The following GRM4 variants were observed in gnomAD, a reference collection of about 807,000 sequenced individuals.
GRM4 encodes glutamate metabotropic receptor 4, also known as metabotropic glutamate receptor 4.
Under a neutral mutation model 81.7 loss-of-function variants are expected in GRM4, and 28 were observed. The observed-to-expected ratio is 0.34, with a 90% CI of 0.25 to 0.47. The LOEUF (loss-of-function observed/expected upper bound fraction) is 0.47, where lower values mean the gene tolerates loss of function less well. Ranked by LOEUF, GRM4 falls within the 20% of genes least tolerant of loss-of-function variation. GRM4 has a pLI of 1.00. For synonymous variants in GRM4, 488 were observed against 528.8 expected, an observed-to-expected ratio of 0.92 and a Z score of 1.06; for missense variants, 948 against 1,290.0, an observed-to-expected ratio of 0.73 and a Z score of 4.06.
rs1581627657 is a variant in GRM4 at position 34,056,435 on chromosome 6, CG to C, written c.1168+108del. Reference sequence around the variant, plus strand: ...GCAGGCCCAACTGCACGTCCTGCCACGGCCGGCCGACGACAGACAAAGGGAG... The same window carrying C: ...GCAGGCCCAACTGCACGTCCTGCCACGCCGGCCGACGACAGACAAAGGGAG... On this transcript the variant is annotated intron_variant, in intron 6 of 10. Transcript: ENST00000538487. The C allele has an allele frequency of 9.7e-6, 10 of 1,033,182 alleles. No individual in the cohort carries two copies. The East Asian group carries it at 2.4e-4, about 25-fold the overall frequency. The allele number at this position is 1,033,182 out of a possible 1,614,324, so 64.0% of individuals were successfully genotyped here. A position where few individuals can be genotyped will look rare whatever the true frequency, so the allele number is the denominator to read the frequency against.
intron 10 of GRM4, chr6:34,024,586 G>A: frequency 2.2e-6 from 1 of 445,952 alleles, no homozygotes; most frequent in Admixed American, 2.4e-5. Context: ...CAAACTGCTT[G>A]AGGATGGGGT....
At chr6:34,039,663 A>G (rs1764898783) in intron 8 of GRM4, among the ~76,000 whole-genome samples, 1 of 152,174 alleles carries the variant, frequency 6.6e-6, no homozygotes, top group Non-Finnish European at 1.5e-5. Flanking sequence ...GCTGCCTTCT[A>G]TCGTGCTTTG....
In GRM4 at chr6:34,124,045, G is replaced by A. The variant is rs1769920852; in HGVS notation, c.519+8933C>T. ...TCACCTCCGTGGCTTCACAAGGGCTGCTCAGGGACCATCTGCCCACTTTAT... is the reference window on the plus strand; with the variant it reads ...TCACCTCCGTGGCTTCACAAGGGCTACTCAGGGACCATCTGCCCACTTTAT... On this transcript the variant is annotated intron_variant, in intron 2 of 10. Coordinates refer to ENST00000538487, the MANE Select transcript of GRM4 (RefSeq NM_000841.4). Among the ~76,000 whole-genome samples the A allele has an allele frequency of 2.6e-5, 4 of 152,336 alleles. No homozygotes were observed. In the South Asian group the frequency reaches 8.3e-4, roughly 32 times the overall value.
At chr6:34,113,071 GT>G (rs1317859251) in intron 2 of GRM4, among the ~76,000 whole-genome samples, 3 of 151,846 alleles carry the variant, frequency 2.0e-5, no homozygotes, top group South Asian at 2.1e-4. Flanking sequence ...TACATTCTCT[GT>G]TTTCCCTCCT....
intron 2 of GRM4, among the ~76,000 whole-genome samples, chr6:34,119,946 C>T (rs554342112): frequency 6.4e-4 from 98 of 152,218 alleles, no homozygotes; most frequent in African/African-American, 2.2e-3. Flanking sequence ...CAACACGCAC[C>T]CCAGCCCGTA....
chr6:34,067,721 C>T (rs1766559249), intron 3 of GRM4, among the ~76,000 whole-genome samples: 1 of 152,066 alleles, frequency 6.6e-6, no homozygotes, highest in Admixed American at 6.6e-5. Context: ...AGCTCTCAGT[C>T]TAGCTGGGGA....
At position 34,121,576 on chromosome 6, in the gene GRM4, C is replaced by T. The variant is rs186540795; in HGVS notation, c.519+11402G>A. ...CTGATAGTTTTCAATCCCTCTTCGC[C>T]CTGGAGGTGGCTGGAGACCAGGAGC... On this transcript the variant is annotated intron_variant, in intron 2 of 10. Transcript: ENST00000538487. This position sits in a 1 kb window ranked among gnomAD's most constrained non-coding sequence, Gnocchi z 4.6. Among the ~76,000 whole-genome samples, 716 of 152,348 alleles carry T rather than the reference C, an allele frequency of 4.7e-3. 6 individuals are homozygous for T. Among genetic ancestry groups the T allele is most frequent in the African/African-American group, 0.014 (579 of 41,574 alleles).
Position 34,059,526 on chromosome 6 carries a change from C to G in GRM4, c.873-398G>C, listed in dbSNP as rs889631121. ...CATGCCTTCCTGGCTCATCCACCCCCACATTCCTTGCCCATTCTCACACGC... is the reference window on the plus strand; with the variant it reads ...CATGCCTTCCTGGCTCATCCACCCCGACATTCCTTGCCCATTCTCACACGC... On this transcript the variant is annotated intron_variant, in intron 4 of 10. Coordinates refer to ENST00000538487, the MANE Select transcript of GRM4 (RefSeq NM_000841.4). The surrounding 1 kb of genome is among the most constrained non-coding windows in gnomAD (Gnocchi z 5.7). 2.4e-5 allele frequency: 6 copies of G among 252,496 alleles called. No homozygotes were observed. Among genetic ancestry groups the G allele is most frequent in the Non-Finnish European group, 3.9e-5 (5 of 128,548 alleles). The allele number at this position is 252,496 out of a possible 1,614,324, so 15.6% of individuals were successfully genotyped here. A position where few individuals can be genotyped will look rare whatever the true frequency, so the allele number is the denominator to read the frequency against.
At chr6:34,026,100 G>A (rs891464630) in intron 10 of GRM4, among the ~76,000 whole-genome samples, 4 of 152,264 alleles carry the variant, frequency 2.6e-5, no homozygotes, top group East Asian at 3.9e-4. Context: ...GACAGTCCCC[G>A]TTTGTCACCC....
rs768993231 is a variant in GRM4 at position 34,028,138 on chromosome 6, C to G, written c.2671G>C (p.Glu891Gln). 2.2e-5 allele frequency: 35 copies of G among 1,612,970 alleles called. No individual in the cohort carries two copies. The highest frequency in any genetic ancestry group is 6.7e-5 in the Admixed American group (4 of 59,890). The change falls in exon 10 of 11, where the codon GAG (glutamate) becomes CAG (glutamine). Residue 891 changes from glutamate (E) to glutamine (Q), a missense_variant. Glu to Gln is a conservative substitution (Grantham distance 29). Coordinates refer to ENST00000538487, the MANE Select transcript of GRM4 (RefSeq NM_000841.4). Reference sequence around the variant, plus strand: ...CACTCACCTGGGGCCTCAAGGTTCTCGCAGAGCTCAGACTTGGCCTCTCCG... The same window carrying G: ...CACTCACCTGGGGCCTCAAGGTTCTGGCAGAGCTCAGACTTGGCCTCTCCG... ...PNGEAKSELCENLEAPALATK... is the reference protein window; with the variant it reads ...PNGEAKSELCQNLEAPALATK...
rs1421878603 is a variant in GRM4, at chr6:34,069,198, A to ACG, written c.737-7171_737-7170insCG. ...CACACACACACACACACACACACAC[A>ACG]CACACACGCACGCACACACGGCTCC... On this transcript the variant is annotated intron_variant, in intron 3 of 10. Coordinates refer to ENST00000538487, the MANE Select transcript of GRM4 (RefSeq NM_000841.4). The surrounding 1 kb of genome is among the most constrained non-coding windows in gnomAD (Gnocchi z 6.4). Among the ~76,000 whole-genome samples the ACG allele has an allele frequency of 2.1e-5, 3 of 142,256 alleles. No homozygotes were observed. The highest frequency in any genetic ancestry group is 2.3e-4 in the South Asian group (1 of 4,438). The allele number at this position is 142,256 out of a possible 152,430, so 93.3% of individuals were successfully genotyped here.
intron 9 of GRM4, among the ~76,000 whole-genome samples, chr6:34,028,896 C>T (rs544161215): frequency 4.6e-5 from 7 of 152,288 alleles, no homozygotes; most frequent in Admixed American, 1.3e-4. Context: ...GCCCCCGCAA[C>T]GGTCCCCCAG....
chr6:34,071,452 C>CAT (rs1226429899), intron 3 of GRM4, among the ~76,000 whole-genome samples: 9,421 of 66,920 alleles, frequency 0.14, 798 homozygotes, highest in African/African-American at 0.31. Context: ...CACACACACA[C>CAT]ATCACCACAG....
chr6:34,090,388 G>A lies in GRM4; in HGVS notation c.736+1495C>T, dbSNP rs1768137725. On this transcript the variant is annotated intron_variant, in intron 3 of 10. Transcript: ENST00000538487. This position sits in a 1 kb window ranked among gnomAD's most constrained non-coding sequence, Gnocchi z 5.2. Reference sequence around the variant, plus strand: ...CCAGCAGAGCAGAGTGGGAGGTGCTGTCCAGAGGTAGGTGCCCAGGTCTTG... The same window carrying A: ...CCAGCAGAGCAGAGTGGGAGGTGCTATCCAGAGGTAGGTGCCCAGGTCTTG... 6.6e-6 allele frequency among the ~76,000 whole-genome samples: 1 copy of A among 152,194 alleles called. No homozygotes were observed. Among genetic ancestry groups the A allele is most frequent in the African/African-American group, 2.4e-5 (1 of 41,448 alleles).
chr6:34,115,394 G>A lies in GRM4; in HGVS notation c.519+17584C>T, dbSNP rs536480959. ...CTCCAGGCTTCAATTAAAATATCACGGCACCCGCACCGTCTGCCCGGCCAC... is the reference window on the plus strand; with the variant it reads ...CTCCAGGCTTCAATTAAAATATCACAGCACCCGCACCGTCTGCCCGGCCAC... On this transcript the variant is annotated intron_variant, in intron 2 of 10. Coordinates refer to ENST00000538487, the MANE Select transcript of GRM4 (RefSeq NM_000841.4). The surrounding 1 kb of genome is among the most constrained non-coding windows in gnomAD (Gnocchi z 4.1). Among the ~76,000 whole-genome samples the A allele has an allele frequency of 5.7e-4, 86 of 152,200 alleles. No homozygotes were observed. Among genetic ancestry groups the A allele is most frequent in the African/African-American group, 1.7e-3 (71 of 41,516 alleles).
At chr6:34,142,304 C>A (rs768808139) in intron 1 of GRM4, among the ~76,000 whole-genome samples, 1 of 152,212 alleles carries the variant, frequency 6.6e-6, no homozygotes, top group East Asian at 1.9e-4. Context: ...AATGAGATAA[C>A]CTGCCAGCCA....
rs1018627170 is a variant in GRM4, at chr6:34,115,166, C to A, written c.519+17812G>T. Among the ~76,000 whole-genome samples, 9 of 152,190 alleles carry A rather than the reference C, an allele frequency of 5.9e-5. No homozygotes were observed. The highest frequency in any genetic ancestry group is 1.4e-4 in the African/African-American group (6 of 41,436). ...TCAGGGCCCTGCCTAAACGCCAACA[C>A]GCTGCCTCTGGGCCAGCCACCAGCC... On this transcript the variant is annotated intron_variant, in intron 2 of 10. Transcript: ENST00000538487. The surrounding 1 kb of genome is among the most constrained non-coding windows in gnomAD (Gnocchi z 4.1).
intron 9 of GRM4, among the ~76,000 whole-genome samples, chr6:34,030,018 C>T (rs1303765430): frequency 6.6e-6 from 1 of 152,242 alleles, no homozygotes; most frequent in Non-Finnish European, 1.5e-5. Flanking sequence ...ATACTACTTA[C>T]ACTCTCACCC....
chr6:34,053,320 G>A (rs1434378943), intron 6 of GRM4, among the ~76,000 whole-genome samples: 1 of 152,174 alleles, frequency 6.6e-6, no homozygotes, highest in African/African-American at 2.4e-5. Context: ...CTGGCCTAAG[G>A]CCTTCTCCTG....
Sources: gnomAD v4.1 joint callset for allele counts (sites outside exome capture counted in the v4.1 genomes callset) on GRCh38, gnomAD v4.1.1 for gene constraint, Gnocchi (gnomAD v3.1) non-coding constraint, MANE v1.5 for transcripts, NCBI Gene and HGNC (gene_info 2026-07-23, HGNC 2026-07-21) for gene names.